The following FAAH variants were observed in gnomAD, a reference collection of about 807,000 sequenced individuals.
FAAH encodes the protein fatty acid amide hydrolase, also known as fatty-acid amide hydrolase 1.
Under a neutral mutation model 69.7 loss-of-function variants are expected in FAAH, and 63 were observed. That is an observed-to-expected ratio of 0.90 (90% confidence interval 0.74 to 1.12). The LOEUF is 1.12. Ranked by LOEUF, FAAH falls within the 50% of genes most tolerant of loss-of-function variation. FAAH has a pLI of 0.00. For missense variants in FAAH, 680 were observed against 755.0 expected, an observed-to-expected ratio of 0.90 and a Z score of 1.16; for synonymous variants, 305 against 324.2, an observed-to-expected ratio of 0.94 and a Z score of 0.64.
In FAAH at chr1:46,394,333, G is replaced by A; in HGVS notation, c.-16G>A. 1 of 1,553,724 alleles carries A rather than the reference G, an allele frequency of 6.4e-7. No homozygotes were observed. Among genetic ancestry groups the A allele is most frequent in the Admixed American group, 1.8e-5 (1 of 54,344 alleles). ...GCTTCAACTGTCGCGGTAGGCAGCA[G>A]CAGGCTGAAGGGATCATGGTGCAGT... On this transcript the variant is annotated 5_prime_UTR_variant, in exon 1 of 15. Transcript: ENST00000243167.
At chr1:46,396,814 G>A (rs1569803668) in intron 1 of FAAH, among the ~76,000 whole-genome samples, 1 of 152,162 alleles carries the variant, frequency 6.6e-6, no homozygotes, top group African/African-American at 2.4e-5. Context: ...CATAGACACA[G>A]TAACAGTCTG....
chr1:46,395,793 C>T (rs1032395391), intron 1 of FAAH, among the ~76,000 whole-genome samples: 3 of 152,322 alleles, frequency 2.0e-5, no homozygotes, highest in Admixed American at 1.3e-4. Flanking sequence ...GCCACACTTT[C>T]GTGGAGAGGA....
At chr1:46,409,017 C>A in intron 8 of FAAH, 84 bp from the exon 9 acceptor site, 1 of 1,150,856 alleles carries the variant, frequency 8.7e-7, no homozygotes, top group Non-Finnish European at 1.3e-6. Flanking sequence ...TTGGTCCAAT[C>A]CATCCTCAGG....
In FAAH at chr1:46,410,680, A is replaced by G. The variant is rs1191928922; in HGVS notation, c.1276-134A>G. 3.3e-6 allele frequency: 4 copies of G among 1,205,434 alleles called. No homozygotes were observed. Among genetic ancestry groups the G allele is most frequent in the Non-Finnish European group, 4.9e-6 (4 of 811,108 alleles). 74.7% of individuals were successfully genotyped at this position (1,205,434 alleles called of 1,614,324 possible). A position where few individuals can be genotyped will look rare whatever the true frequency, so the allele number is the denominator to read the frequency against. On this transcript the variant is annotated intron_variant, in intron 10 of 14. Coordinates refer to ENST00000243167, the MANE Select transcript of FAAH (RefSeq NM_001441.3). The surrounding 1 kb of genome is among the most constrained non-coding windows in gnomAD (Gnocchi z 4.9). ...CCCCTGCGATCTTCAGCCAACCCGC[A>G]TGCTGAAAGGGGTGCCGACCTGGGC... is the stretch of plus-strand genomic sequence containing the variant.
At chr1:46,394,909 G>C (rs958283312) in intron 1 of FAAH, among the ~76,000 whole-genome samples, 2 of 152,096 alleles carry the variant, frequency 1.3e-5, no homozygotes, top group African/African-American at 4.8e-5. Flanking sequence ...TGGCCAAGGG[G>C]ATCTGGAGAG....
chr1:46,402,201 A>AAAGGTAAGGCCAGCC lies in FAAH; in HGVS notation c.309+2_309+16dup. 1 of 1,591,062 alleles carries AAAGGTAAGGCCAGCC rather than the reference A, an allele frequency of 6.3e-7. No homozygotes were observed. ...AGGCCGTGCTCTTCACCTATGTGGG[A>AAAGGTAAGGCCAGCC]AAGGTAAGGCCAGCCAAGGCCAGCC... On this transcript the variant is annotated inframe_insertion, in exon 2 of 15. Coordinates refer to ENST00000243167, the MANE Select transcript of FAAH (RefSeq NM_001441.3).
Position 46,405,482 on chromosome 1 carries a change from C to T in FAAH, c.555C>T (p.Thr185=). 6.9e-7 allele frequency: 1 copy of T among 1,443,882 alleles called. No individual in the cohort carries two copies. Among genetic ancestry groups the T allele is most frequent in the African/African-American group, 1.6e-5 (1 of 63,634 alleles). 89.4% of individuals were successfully genotyped at this position (1,443,882 alleles called of 1,614,324 possible). Residue 185 remains threonine, a synonymous_variant, in exon 4 of 15, where the codon ACC becomes ACT. Transcript: ENST00000243167. This position sits in a 1 kb window ranked among gnomAD's most constrained non-coding sequence, Gnocchi z 4.1. ...AGGGTGCCGTGCCCTTCGTGCACAC[C>T]AATGTTCCACAGTCCATGTTCAGGT... ...KLQGAVPFVH[T]NVPQSMFSYD... is the part of the protein sequence containing the mutation.
Position 46,411,619 on chromosome 1 carries a change from G to A in FAAH, c.1324G>A (p.Gly442Arg). 6.2e-7 allele frequency: 1 copy of A among 1,614,082 alleles called. No homozygotes were observed. The change falls in exon 12 of 15, where the codon GGA (glycine) becomes AGA (arginine). Residue 442 changes from glycine (G) to arginine (R), a missense_variant. By Grantham distance (125) the Gly-to-Arg change is moderately radical. Transcript: ENST00000243167. The surrounding 1 kb of genome is among the most constrained non-coding windows in gnomAD (Gnocchi z 4.8). ...FLSNMKSRSA[G>R]KLWELQHEIE... ...CACACTCCTTCTGCCCAGTTCGGCT[G>A]GAAAACTCTGGGAACTGCAGCACGA...
At chr1:46,406,138 C>T (rs1397738227) in intron 6 of FAAH, 60 bp downstream of exon 6, 18 of 1,613,654 alleles carry the variant, frequency 1.1e-5, no homozygotes, top group South Asian at 8.8e-5. Context: ...GACCCGCTTC[C>T]GCCCGTGCTT....
At chr1:46,399,019 C>T (rs1403313658) in intron 1 of FAAH, among the ~76,000 whole-genome samples, 1 of 152,106 alleles carries the variant, frequency 6.6e-6, no homozygotes, top group East Asian at 1.9e-4. Context: ...GTTTTGATAT[C>T]TTTTCTAGAC....
At position 46,410,342 on chromosome 1, in the gene FAAH, C is replaced by A; in HGVS notation, c.1176-56C>A. ...ATGGGATTGCTGTGGGCCGGGCGAGCAAGCTGGGAAGGATGTGGGGATGGG... is the reference window on the plus strand; with the variant it reads ...ATGGGATTGCTGTGGGCCGGGCGAGAAAGCTGGGAAGGATGTGGGGATGGG... On this transcript the variant is annotated intron_variant, in intron 9 of 14. Transcript: ENST00000243167. The surrounding 1 kb of genome is among the most constrained non-coding windows in gnomAD (Gnocchi z 4.9). 6.9e-7 allele frequency: 1 copy of A among 1,448,208 alleles called. No homozygotes were observed. The highest frequency in any genetic ancestry group is 1.1e-5 in the South Asian group (1 of 87,654). 89.7% of individuals were successfully genotyped at this position (1,448,208 alleles called of 1,614,324 possible).
chr1:46,406,405 G>A (rs1266103249), intron 7 of FAAH, 37 bp downstream of exon 7: 1 of 1,613,216 alleles, frequency 6.2e-7, no homozygotes, highest in Admixed American at 1.7e-5. Context: ...GTGGACCGCT[G>A]AACCCAGACA....
Position 46,410,187 on chromosome 1 carries a change from C to T in FAAH, c.1176-211C>T. 1.6e-6 allele frequency: 1 copy of T among 619,550 alleles called. No individual in the cohort carries two copies. 38.4% of individuals were successfully genotyped at this position (619,550 alleles called of 1,614,324 possible). A position where few individuals can be genotyped will look rare whatever the true frequency, so the allele number is the denominator to read the frequency against. ...CTGGAGAGGGATACCCTGAGTCCTG[C>T]CTTGGGGAGCTCCCGTGGATGTGGG... On this transcript the variant is annotated intron_variant, in intron 9 of 14. Transcript: ENST00000243167. This position sits in a 1 kb window ranked among gnomAD's most constrained non-coding sequence, Gnocchi z 4.9.
intron 2 of FAAH, 57 bp downstream of exon 2, chr1:46,402,261 C>T: frequency 7.2e-7 from 1 of 1,388,442 alleles, no homozygotes; most frequent in Non-Finnish European, 1.0e-6. Flanking sequence ...CCAAGGCCAG[C>T]CCCTCCCTTT....
rs1223927353 is a variant in FAAH, at chr1:46,402,105, C to G, written c.210C>G (p.Asp70Glu). ...QRFRLQNPDL[D>E]SEALLALPLP... is the part of the protein sequence containing the mutation. ...GTTCCCCACAGAACCCAGACCTGGACTCAGAGGCGCTGCTAGCCCTGCCCC... is the reference window on the plus strand; with the variant it reads ...GTTCCCCACAGAACCCAGACCTGGAGTCAGAGGCGCTGCTAGCCCTGCCCC... The change falls in exon 2 of 15, where the codon GAC (aspartate) becomes GAG (glutamate). Residue 70 changes from aspartate to glutamate, a missense_variant. Physicochemically the swap from Asp to Glu is conservative, Grantham distance 45. Coordinates refer to ENST00000243167, the MANE Select transcript of FAAH (RefSeq NM_001441.3). The G allele has an allele frequency of 6.2e-7, 1 of 1,608,366 alleles. No homozygotes were observed. Among genetic ancestry groups the G allele is most frequent in the South Asian group, 1.1e-5 (1 of 89,938 alleles).
chr1:46,404,379 G>A lies in FAAH; in HGVS notation c.310-635G>A, dbSNP rs1034971966. 5.9e-5 allele frequency among the ~76,000 whole-genome samples: 9 copies of A among 152,210 alleles called. No individual in the cohort carries two copies. The highest frequency in any genetic ancestry group is 1.3e-4 in the Non-Finnish European group (9 of 68,044). On this transcript the variant is annotated intron_variant, in intron 2 of 14. Coordinates refer to ENST00000243167, the MANE Select transcript of FAAH (RefSeq NM_001441.3). This position sits in a 1 kb window ranked among gnomAD's most constrained non-coding sequence, Gnocchi z 4.5. ...CTCTGCCCTCACCTTTCCTTCTGTAGGACCCTGTGTGGTGAGGTTTGAGCA... is the reference window on the plus strand; with the variant it reads ...CTCTGCCCTCACCTTTCCTTCTGTAAGACCCTGTGTGGTGAGGTTTGAGCA...
chr1:46,406,421 C>A (rs1664796417), intron 7 of FAAH, 53 bp downstream of exon 7: 7 of 1,611,678 alleles, frequency 4.3e-6, no homozygotes, highest in Non-Finnish European at 5.9e-6. Context: ...AGACAGCCAC[C>A]CCAGGCCTTG....
At position 46,410,790 on chromosome 1, in the gene FAAH, C is replaced by T. The variant is rs201138888; in HGVS notation, c.1276-24C>T. On this transcript the variant is annotated intron_variant, in intron 10 of 14. Coordinates refer to ENST00000243167, the MANE Select transcript of FAAH (RefSeq NM_001441.3). The surrounding 1 kb of genome is among the most constrained non-coding windows in gnomAD (Gnocchi z 4.9). ...CTGCCGTGGCCCAGAGCTGAGTCAC[C>T]GACCCTGCGTCTGTCCTGTGCAGCT... 1.4e-4 allele frequency: 224 copies of T among 1,614,122 alleles called. No individual in the cohort carries two copies. The highest frequency in any genetic ancestry group is 1.1e-4 in the East Asian group (5 of 44,882).
chr1:46,405,994 G>C lies in FAAH; in HGVS notation c.786-44G>C, dbSNP rs1289425800. The C allele has an allele frequency of 6.2e-7, 1 of 1,613,880 alleles. No individual in the cohort carries two copies. The highest frequency in any genetic ancestry group is 2.2e-5 in the East Asian group (1 of 44,882). ...GCTCTGTGGGTGTGGGGATGGCGGCGGGTGGCCATTTCCTGTTTCCAGCAT... is the reference window on the plus strand; with the variant it reads ...GCTCTGTGGGTGTGGGGATGGCGGCCGGTGGCCATTTCCTGTTTCCAGCAT... On this transcript the variant is annotated intron_variant, in intron 5 of 14. Transcript: ENST00000243167. This position sits in a 1 kb window ranked among gnomAD's most constrained non-coding sequence, Gnocchi z 4.1.
Sources: gnomAD v4.1 joint callset for allele counts (sites outside exome capture counted in the v4.1 genomes callset) on GRCh38, gnomAD v4.1.1 for gene constraint, Gnocchi (gnomAD v3.1) non-coding constraint, MANE v1.5 for transcripts, NCBI Gene and HGNC (gene_info 2026-07-23, HGNC 2026-07-21) for gene names.